COA5: variants seen among roughly 807,000 people sequenced by gnomAD.
COA5 encodes the protein cytochrome c oxidase assembly factor 5, also known as protein C2orf64.
Under a neutral mutation model 11.8 loss-of-function variants are expected in COA5, and 11 were observed. That is an observed-to-expected ratio of 0.93 (90% CI 0.59 to 1.54). The LOEUF (loss-of-function observed/expected upper bound fraction) is 1.54. Ranked by LOEUF, COA5 falls within the 40% of genes most tolerant of loss-of-function variation. The probability of loss-of-function intolerance (pLI) is 0.00; values close to 1 mark genes in which losing one functional copy is unlikely to be tolerated. For missense variants in COA5, 87 were observed against 89.2 expected (o/e 0.97, Z 0.10); for synonymous variants, 38 against 37.5 (o/e 1.01, Z -0.05).
Position 98,600,378 on chromosome 2 carries a change from G to A in COA5, c.*374C>T, listed in dbSNP as rs1211289951. 3.9e-6 allele frequency: 1 copy of A among 255,450 alleles called. No homozygotes were observed. Among genetic ancestry groups the A allele is most frequent in the African/African-American group, 2.2e-5 (1 of 45,000 alleles). The allele number at this position is 255,450 out of a possible 1,614,324, so 15.8% of individuals were successfully genotyped here. A position where few individuals can be genotyped will look rare whatever the true frequency, so the allele number is the denominator to read the frequency against. ...TTTCCCAACAGACACCTTCTGGATA[G>A]GCTGCATGTTATCGACTGTGTCAGT... On this transcript the variant is annotated 3_prime_UTR_variant, in exon 3 of 3. Transcript: ENST00000328709.
At chr2:98,607,807 A>C (rs1700730582) in intron 1 of COA5, among the ~76,000 whole-genome samples, 1 of 152,234 alleles carries the variant, frequency 6.6e-6, no homozygotes, top group African/African-American at 2.4e-5. Flanking sequence ...TTATTTTTAC[A>C]ACTTAACATC....
rs1700627569 is a variant in COA5 at position 98,600,551 on chromosome 2, T to TA, written c.*200dup. On this transcript the variant is annotated 3_prime_UTR_variant, in exon 3 of 3. Transcript: ENST00000328709. ...TACCTGTTCAATTAGGTTTTTCTTC[T>TA]AAAAATAACTTGGATCAAGAGAATC... 3.4e-6 allele frequency: 2 copies of TA among 595,868 alleles called. No individual in the cohort carries two copies. The highest frequency in any genetic ancestry group is 3.7e-5 in the African/African-American group (2 of 53,694). 36.9% of individuals were successfully genotyped at this position (595,868 alleles called of 1,614,324 possible).
At chr2:98,602,040 A>G (rs1482341091) in intron 2 of COA5, among the ~76,000 whole-genome samples, 2 of 152,330 alleles carry the variant, frequency 1.3e-5, no homozygotes, top group Non-Finnish European at 1.5e-5. Context: ...TTAGTCCAAC[A>G]AAGTGTGGAC....
chr2:98,604,314 A>G (rs1700682809), intron 1 of COA5, 123 bp from the exon 2 acceptor site: 1 of 784,100 alleles, frequency 1.3e-6, no homozygotes, highest in Non-Finnish European at 2.2e-6. Flanking sequence ...AAAGTTATGT[A>G]GGAAATAGTT....
In COA5 at chr2:98,608,401, G is replaced by A. The variant is rs1391760987; in HGVS notation, c.5C>T (p.Pro2Leu). 1.9e-6 allele frequency: 3 copies of A among 1,596,912 alleles called. No homozygotes were observed. In the African/African-American group the frequency reaches 4.0e-5, roughly 21 times the overall value. Reference sequence around the variant, plus strand: ...CTGCGGCTTGTCCTCATAATACTTAGGCATGACGGCGCTTCCCCTCCGATG... The same window carrying A: ...CTGCGGCTTGTCCTCATAATACTTAAGCATGACGGCGCTTCCCCTCCGATG... M[P>L]KYYEDKPQGG... Residue 2 changes from proline (P) to leucine (L), a missense_variant, in exon 1 of 3, where the codon CCT becomes CTT. By Grantham distance (98) the Pro-to-Leu change is moderately conservative. Coordinates refer to ENST00000328709, the MANE Select transcript of COA5 (RefSeq NM_001008215.3).
At chr2:98,607,570 CAA>C (rs1452370128) in intron 1 of COA5, among the ~76,000 whole-genome samples, 1 of 152,198 alleles carries the variant, frequency 6.6e-6, no homozygotes, top group Admixed American at 6.5e-5. Context: ...TCCCCCAATG[CAA>C]AGACAATTGC....
intron 2 of COA5, 119 bp downstream of exon 2, chr2:98,603,989 A>G: frequency 1.4e-6 from 1 of 712,950 alleles, no homozygotes. Context: ...AATATTATCT[A>G]TGTAATTTTT....
intron 1 of COA5, among the ~76,000 whole-genome samples, chr2:98,605,335 T>C (rs917495409): frequency 6.6e-6 from 1 of 152,224 alleles, no homozygotes; most frequent in African/African-American, 2.4e-5. Context: ...GGCTTGCCCC[T>C]TTCCTCACTT....
Position 98,599,649 on chromosome 2 carries a change from C to T in COA5, c.*1103G>A, listed in dbSNP as rs554443333. The T allele has an allele frequency of 3.3e-5, 5 of 152,280 alleles. No individual in the cohort carries two copies. The highest frequency in any genetic ancestry group is 2.1e-4 in the South Asian group (1 of 4,822). 9.4% of individuals were successfully genotyped at this position (152,280 alleles called of 1,614,324 possible). On this transcript the variant is annotated 3_prime_UTR_variant, in exon 3 of 3. Transcript: ENST00000328709. ...CCAGTGAACCACGGAGGTATAAAGA[C>T]GCTAGAGTTCTTTGTAATTCTTCAG...
At chr2:98,605,471 GTC>G (rs1489480322) in intron 1 of COA5, among the ~76,000 whole-genome samples, 1 of 152,220 alleles carries the variant, frequency 6.6e-6, no homozygotes, top group Non-Finnish European at 1.5e-5. Context: ...GATCAACAGT[GTC>G]TGCGTTCATG....
In COA5 at chr2:98,600,428, G is replaced by C; in HGVS notation, c.*324C>G. ...TCAAATCAGTGGCCTGTACTAATTG[G>C]GTAATTCAATTGAAGAGTCAAGTTT... On this transcript the variant is annotated 3_prime_UTR_variant, in exon 3 of 3. Coordinates refer to ENST00000328709, the MANE Select transcript of COA5 (RefSeq NM_001008215.3). 2.6e-6 allele frequency: 1 copy of C among 386,052 alleles called. No homozygotes were observed. 23.9% of individuals were successfully genotyped at this position (386,052 alleles called of 1,614,324 possible). A position where few individuals can be genotyped will look rare whatever the true frequency, so the allele number is the denominator to read the frequency against.
chr2:98,608,079 T>A (rs1183805413), intron 1 of COA5, among the ~76,000 whole-genome samples: 1 of 152,270 alleles, frequency 6.6e-6, no homozygotes, highest in Non-Finnish European at 1.5e-5. Context: ...TGGGTTAACC[T>A]TTACAAAAAC....
intron 2 of COA5, chr2:98,602,346 G>C (rs1269704649): frequency 6.6e-6 from 1 of 152,142 alleles, no homozygotes; most frequent in Non-Finnish European, 1.5e-5. Flanking sequence ...ACATGGTCTT[G>C]GAGAAAGATT....
chr2:98,605,895 G>T (rs1048405893), intron 1 of COA5: 1 of 152,200 alleles, frequency 6.6e-6, no homozygotes, highest in African/African-American at 2.4e-5. Flanking sequence ...TAAATCCTAA[G>T]AAGTCTCTTC....
rs1217265371 is a variant in COA5, at chr2:98,604,487, C to T, written c.100-296G>A. 1.2e-5 allele frequency: 4 copies of T among 338,196 alleles called. No homozygotes were observed. The East Asian group carries it at 2.8e-4, about 23-fold the overall frequency. 20.9% of individuals were successfully genotyped at this position (338,196 alleles called of 1,614,324 possible). On this transcript the variant is annotated intron_variant, in intron 1 of 2. Coordinates refer to ENST00000328709, the MANE Select transcript of COA5 (RefSeq NM_001008215.3). ...ATCTAGAAAGGGTTATCTTCATTTC[C>T]TTATGGGTGAAATGTGTGAACTGGG...
chr2:98,600,729 C>T lies in COA5; in HGVS notation c.*23G>A, dbSNP rs1455934734. On this transcript the variant is annotated 3_prime_UTR_variant, in exon 3 of 3. Coordinates refer to ENST00000328709, the MANE Select transcript of COA5 (RefSeq NM_001008215.3). ...ACCAGGGAAAATATTTGTTGTTTTC[C>T]ATGTTGGCTTCAACATAATGCATCA... 2.5e-6 allele frequency: 4 copies of T among 1,604,290 alleles called. No homozygotes were observed. The highest frequency in any genetic ancestry group is 2.2e-5 in the South Asian group (2 of 90,376).
chr2:98,600,688 CTTCT>C lies in COA5; in HGVS notation c.*60_*63del. On this transcript the variant is annotated 3_prime_UTR_variant, in exon 3 of 3. Coordinates refer to ENST00000328709, the MANE Select transcript of COA5 (RefSeq NM_001008215.3). Reference sequence around the variant, plus strand: ...GTAAAAAGTATGTTTCCTGTTTTGGCTTCTTTGTGTTAATGACCAGGGAAAATAT... The same window carrying C: ...GTAAAAAGTATGTTTCCTGTTTTGGCTTGTGTTAATGACCAGGGAAAATAT... The C allele has an allele frequency of 6.9e-7, 1 of 1,454,590 alleles. No homozygotes were observed. The highest frequency in any genetic ancestry group is 9.6e-7 in the Non-Finnish European group (1 of 1,046,184). 90.1% of individuals were successfully genotyped at this position (1,454,590 alleles called of 1,614,324 possible). A position where few individuals can be genotyped will look rare whatever the true frequency, so the allele number is the denominator to read the frequency against.
intron 1 of COA5, among the ~76,000 whole-genome samples, chr2:98,607,752 G>A (rs999298953): frequency 2.0e-5 from 3 of 152,240 alleles, no homozygotes; most frequent in African/African-American, 7.2e-5. Flanking sequence ...TGAAGGAAGA[G>A]TGTAGGGGAA....
chr2:98,607,192 G>C (rs1427212124), intron 1 of COA5, among the ~76,000 whole-genome samples: 1 of 152,178 alleles, frequency 6.6e-6, no homozygotes, highest in South Asian at 2.1e-4. Context: ...GGTAGTGACT[G>C]TTACTGATTC....
Sources: gnomAD v4.1 joint callset for allele counts (sites outside exome capture counted in the v4.1 genomes callset) on GRCh38, gnomAD v4.1.1 for gene constraint, MANE v1.5 for transcripts, NCBI Gene and HGNC (gene_info 2026-07-23, HGNC 2026-07-21) for gene names.